Variants in BMPR1B observed in about 807,000 individuals in gnomAD.
BMPR1B encodes bone morphogenetic protein receptor type-1B.
A neutral mutation model predicts 59.1 loss-of-function variants in BMPR1B; 12 were observed. That is an observed-to-expected ratio of 0.20 (90% CI 0.13 to 0.33). The LOEUF is 0.33. Ranked by LOEUF, BMPR1B falls within the 10% of genes least tolerant of loss-of-function variation. BMPR1B has a pLI of 1.00. For missense variants in BMPR1B, 550 were observed against 610.9 expected (o/e 0.90, Z 1.05); for synonymous variants, 237 against 207.3 (o/e 1.14, Z -1.23).
At chr4:95,102,054 G>T (rs992310268) in intron 3 of BMPR1B, among the ~76,000 whole-genome samples, 2 of 152,008 alleles carry the variant, frequency 1.3e-5, no homozygotes, top group Non-Finnish European at 2.9e-5. Context: ...GCATTTTAAT[G>T]GCTATATAGG....
intron 3 of BMPR1B, among the ~76,000 whole-genome samples, chr4:95,102,112 G>A (rs1021207467): frequency 2.6e-5 from 4 of 152,172 alleles, no homozygotes; most frequent in African/African-American, 9.6e-5. Flanking sequence ...GTAAATATGA[G>A]TTGTTATAAG....
intron 12 of BMPR1B, among the ~76,000 whole-genome samples, chr4:95,153,068 C>A (rs1450644226): frequency 1.3e-5 from 2 of 151,882 alleles, no homozygotes; most frequent in Non-Finnish European, 1.5e-5. Flanking sequence ...TGCATAAAAC[C>A]TATTATTTCT....
chr4:95,051,681 T>G, intron 3 of BMPR1B: 1 of 1,535,118 alleles, frequency 6.5e-7, no homozygotes, highest in Non-Finnish European at 8.7e-7. Context: ...CAGGGCACAT[T>G]GACTGCTCTG....
At chr4:94,825,545 CT>C (rs919082226) in intron 1 of BMPR1B, among the ~76,000 whole-genome samples, 15 of 151,154 alleles carry the variant, frequency 9.9e-5, no homozygotes, top group African/African-American at 3.6e-4. Context: ...ATAGTACCAT[CT>C]TTTTTTTTAA....
intron 1 of BMPR1B, among the ~76,000 whole-genome samples, chr4:94,830,607 A>T (rs991896932): frequency 6.6e-6 from 1 of 152,196 alleles, no homozygotes; most frequent in African/African-American, 2.4e-5. Flanking sequence ...TATATCTGAA[A>T]TAGTAGAGGT....
At chr4:95,038,093 A>T (rs1725394152) in intron 3 of BMPR1B, among the ~76,000 whole-genome samples, 1 of 152,198 alleles carries the variant, frequency 6.6e-6, no homozygotes. Flanking sequence ...GGTACCTTTC[A>T]ATGAGAAGGC....
At chr4:94,849,932 G>T (rs1186842564) in intron 1 of BMPR1B, among the ~76,000 whole-genome samples, 8 of 152,072 alleles carry the variant, frequency 5.3e-5, no homozygotes, top group Admixed American at 5.2e-4. Context: ...TGTTGCCTGT[G>T]CTAGGATCTA....
chr4:94,770,143 C>A, intron 1 of BMPR1B, among the ~76,000 whole-genome samples: 1 of 120,536 alleles, frequency 8.3e-6, no homozygotes, highest in African/African-American at 3.6e-5. Context: ...TTCACCTGAT[C>A]ATTTGTTTTT....
chr4:94,964,875 A>AT (rs2149070092), intron 2 of BMPR1B, among the ~76,000 whole-genome samples: 1 of 152,232 alleles, frequency 6.6e-6, no homozygotes, highest in African/African-American at 2.4e-5. Flanking sequence ...GTATATTTAA[A>AT]TGTTTCAGGT....
chr4:94,908,021 A>C (rs1472847017), intron 2 of BMPR1B, among the ~76,000 whole-genome samples: 2 of 142,880 alleles, frequency 1.4e-5, no homozygotes, highest in Non-Finnish European at 3.0e-5. Context: ...GTGAATAGCC[A>C]TGGCCCTCCA....
intron 3 of BMPR1B, among the ~76,000 whole-genome samples, chr4:95,068,749 C>A (rs1350585744): frequency 6.6e-6 from 1 of 152,148 alleles, no homozygotes; most frequent in African/African-American, 2.4e-5. Context: ...TGTTATTTCA[C>A]AACCCCAGTC....
intron 2 of BMPR1B, among the ~76,000 whole-genome samples, chr4:94,918,544 C>T (rs1279454571): frequency 6.6e-6 from 1 of 152,020 alleles, no homozygotes; most frequent in Non-Finnish European, 1.5e-5. Flanking sequence ...GGCAGTGTGG[C>T]ACACGCCTGT....
At chr4:94,785,883 C>CA (rs1322426911) in intron 1 of BMPR1B, among the ~76,000 whole-genome samples, 2 of 152,074 alleles carry the variant, frequency 1.3e-5, no homozygotes, top group Non-Finnish European at 2.9e-5. Flanking sequence ...TTTTCCAAGT[C>CA]ATTTTAGCCA....
chr4:95,049,705 C>A (rs897692952), intron 3 of BMPR1B, among the ~76,000 whole-genome samples: 1 of 151,702 alleles, frequency 6.6e-6, no homozygotes, highest in African/African-American at 2.4e-5. Flanking sequence ...CTTTCAGCAT[C>A]CAGCTCTCCC....
intron 1 of BMPR1B, among the ~76,000 whole-genome samples, chr4:94,770,612 T>C (rs927432852): frequency 2.3e-4 from 35 of 152,114 alleles, no homozygotes; most frequent in African/African-American, 8.2e-4. Context: ...GAAAATTTAA[T>C]CTATATTTCC....
chr4:94,984,713 G>A (rs1023559388), intron 2 of BMPR1B, among the ~76,000 whole-genome samples: 24 of 152,134 alleles, frequency 1.6e-4, no homozygotes, highest in African/African-American at 4.3e-4. Context: ...TTCTGTTCAG[G>A]TTCCCAAAGT....
At chr4:95,064,370 A>G (rs1727643787) in intron 3 of BMPR1B, among the ~76,000 whole-genome samples, 1 of 152,148 alleles carries the variant, frequency 6.6e-6, no homozygotes, top group Non-Finnish European at 1.5e-5. Context: ...TTAGATGCTC[A>G]TAGGAGAGCA....
At chr4:94,836,035 T>A (rs1472826866) in intron 1 of BMPR1B, among the ~76,000 whole-genome samples, 1 of 148,856 alleles carries the variant, frequency 6.7e-6, no homozygotes, top group East Asian at 2.0e-4. Flanking sequence ...TTGTGATAGT[T>A]TACTGAGAAT....
intron 1 of BMPR1B, among the ~76,000 whole-genome samples, chr4:94,788,844 G>A (rs1722851879): frequency 6.6e-6 from 1 of 152,198 alleles, no homozygotes; most frequent in Non-Finnish European, 1.5e-5. Flanking sequence ...GCCTGCCCAA[G>A]CCTGAGCAAC....
Sources: allele counts gnomAD v4.1 joint callset (sites outside exome capture counted in the v4.1 genomes callset), GRCh38; gene constraint gnomAD v4.1.1; transcripts MANE v1.5; gene names NCBI Gene and HGNC (gene_info 2026-07-23, HGNC 2026-07-21).